CACNA2D1: variants seen among roughly 807,000 people sequenced by gnomAD.
CACNA2D1 encodes the protein voltage-dependent calcium channel subunit alpha-2/delta-1.
Under a neutral mutation model 171.5 loss-of-function variants are expected in CACNA2D1, and 53 were observed. The observed-to-expected ratio is 0.31, with a 90% CI of 0.25 to 0.39. The LOEUF is 0.39. Among genes scored for constraint, CACNA2D1 ranks in the 10% least tolerant of loss-of-function variants. The probability of loss-of-function intolerance (pLI) is 1.00; values close to 1 mark genes in which losing one functional copy is unlikely to be tolerated. For missense variants in CACNA2D1, 903 were observed against 1,299.8 expected, an observed-to-expected ratio of 0.69 and a Z score of 4.69; for synonymous variants, 442 against 443.1, an observed-to-expected ratio of 1.00 and a Z score of 0.03.
rs1269772111 is a variant in CACNA2D1 at position 82,024,541 on chromosome 7, A to G, written c.1143+8256T>C. ...TAGGAGTTATTTTCATATTTTGTAT[A>G]CTAACCCCTTATCAAATATATGGCT... On this transcript the variant is annotated intron_variant, in intron 12 of 38. Coordinates refer to ENST00000356860, the MANE Select transcript of CACNA2D1 (RefSeq NM_000722.4). Among the ~76,000 whole-genome samples the G allele has an allele frequency of 7.9e-5, 12 of 151,730 alleles. No homozygotes were observed. The Admixed American group carries it at 7.9e-4, about 10-fold the overall frequency.
chr7:82,208,666 G>C (rs10808298), intron 3 of CACNA2D1, among the ~76,000 whole-genome samples: 92,009 of 151,944 alleles, frequency 0.61, 28,669 homozygotes, highest in East Asian at 0.8. Flanking sequence ...AGATTTATAA[G>C]CATTCATTAT....
chr7:81,976,542 TTGTC>T lies in CACNA2D1; in HGVS notation c.1956-1994_1956-1991del, dbSNP rs1445564651. ...GGGAGTTCACTCATGATTTGGCTGT[TTGTC>T]TATTATTGGTGTATAGGATTGCTTG... On this transcript the variant is annotated intron_variant, in intron 24 of 38. Coordinates refer to ENST00000356860, the MANE Select transcript of CACNA2D1 (RefSeq NM_000722.4). 2.0e-5 allele frequency among the ~76,000 whole-genome samples: 3 copies of T among 152,184 alleles called. No individual in the cohort carries two copies. In the East Asian group the frequency reaches 5.8e-4, roughly 29 times the overall value.
chr7:82,149,827 G>C (rs1321485791), intron 4 of CACNA2D1, among the ~76,000 whole-genome samples: 1 of 151,428 alleles, frequency 6.6e-6, no homozygotes, highest in Admixed American at 6.6e-5. Flanking sequence ...TGTGGTGGTA[G>C]GCGCCTGTAG....
At chr7:82,293,969 T>C (rs1363638517) in intron 3 of CACNA2D1, among the ~76,000 whole-genome samples, 1 of 152,212 alleles carries the variant, frequency 6.6e-6, no homozygotes, top group African/African-American at 2.4e-5. Context: ...ATGATCTCTC[T>C]TCTGGCTCTA....
chr7:82,049,868 C>T (rs1388941193), intron 10 of CACNA2D1, among the ~76,000 whole-genome samples: 1 of 152,170 alleles, frequency 6.6e-6, no homozygotes, highest in East Asian at 1.9e-4. Context: ...AAATTATTCT[C>T]TTAGATTTGT....
intron 3 of CACNA2D1, among the ~76,000 whole-genome samples, chr7:82,252,658 A>G (rs1039587088): frequency 3.3e-5 from 5 of 152,128 alleles, no homozygotes; most frequent in Non-Finnish European, 7.4e-5. Flanking sequence ...TTGGGAGGCC[A>G]AGGCGGGCAG....
chr7:82,263,542 GAACT>G (rs1807421838), intron 3 of CACNA2D1, among the ~76,000 whole-genome samples: 2 of 152,070 alleles, frequency 1.3e-5, no homozygotes, highest in Non-Finnish European at 2.9e-5. Context: ...CCTATCCACA[GAACT>G]AACTCTGAAA....
At chr7:82,310,324 A>G (rs1250306690) in intron 3 of CACNA2D1, among the ~76,000 whole-genome samples, 1 of 151,896 alleles carries the variant, frequency 6.6e-6, no homozygotes, top group African/African-American at 2.4e-5. Flanking sequence ...TATAAAAGGT[A>G]TGAGGATGTA....
intron 8 of CACNA2D1, among the ~76,000 whole-genome samples, chr7:82,066,006 C>G (rs1584612333): frequency 6.6e-6 from 1 of 152,074 alleles, no homozygotes. Context: ...ACAAATAAGT[C>G]TTCATTTTGG....
chr7:81,957,654 A>ATCCAGAGCAGAT (rs1793572654), intron 38 of CACNA2D1, among the ~76,000 whole-genome samples: 1 of 152,140 alleles, frequency 6.6e-6, no homozygotes, highest in South Asian at 2.1e-4. Context: ...GTGAGTCTCC[A>ATCCAGAGCAGAT]TCCAGAGCAG....
At chr7:82,126,891 T>C (rs1285893585) in intron 5 of CACNA2D1, among the ~76,000 whole-genome samples, 1 of 152,206 alleles carries the variant, frequency 6.6e-6, no homozygotes, top group Non-Finnish European at 1.5e-5. Context: ...TCCCTGGCAA[T>C]ATTCTTTGTC....
At chr7:82,068,578 T>C (rs929328185) in intron 7 of CACNA2D1, among the ~76,000 whole-genome samples, 3 of 152,044 alleles carry the variant, frequency 2.0e-5, no homozygotes, top group Admixed American at 6.6e-5. Flanking sequence ...CTGTAGATAA[T>C]TTTTTATTGA....
rs1233519888 is a variant in CACNA2D1, at chr7:81,962,373, C to T, written c.2836+67G>A. The T allele has an allele frequency of 3.5e-6, 4 of 1,134,366 alleles. No homozygotes were observed. In the African/African-American group the frequency reaches 4.6e-5, roughly 13 times the overall value. 70.3% of individuals were successfully genotyped at this position (1,134,366 alleles called of 1,614,324 possible). ...ACAAATATTCTCTGAATTTGTTGAA[C>T]TTCAAGCACATCCCAAAAGAAAATT... On this transcript the variant is annotated intron_variant, in intron 35 of 38. Coordinates refer to ENST00000356860, the MANE Select transcript of CACNA2D1 (RefSeq NM_000722.4).
Position 82,055,395 on chromosome 7 carries a change from C to T in CACNA2D1, c.879+5033G>A, listed in dbSNP as rs191757470. ...CAAAAAGGCCAAGTACCATTTGACC[C>T]AGCCATCCCATTACTGGGTATATAC... On this transcript the variant is annotated intron_variant, in intron 10 of 38. Transcript: ENST00000356860. Among the ~76,000 whole-genome samples, 397 of 152,162 alleles carry T rather than the reference C, an allele frequency of 2.6e-3. 1 individual carries two copies. Among genetic ancestry groups the T allele is most frequent in the Non-Finnish European group, 4.9e-3 (333 of 68,012 alleles).
At chr7:82,325,533 G>C (rs77110330) in intron 3 of CACNA2D1, among the ~76,000 whole-genome samples, 4,896 of 152,218 alleles carry the variant, frequency 0.032, 122 homozygotes, top group Middle Eastern at 0.082. Flanking sequence ...ACAAATGACA[G>C]ACAAATAAAT....
intron 7 of CACNA2D1, among the ~76,000 whole-genome samples, chr7:82,081,184 A>G (rs10234161): frequency 0.81 from 122,878 of 152,126 alleles, 50,089 homozygotes; most frequent in African/African-American, 0.91. Flanking sequence ...TTAAAATACT[A>G]AAAGACTATT....
chr7:82,178,837 T>A (rs911883922), intron 3 of CACNA2D1, among the ~76,000 whole-genome samples: 1 of 152,098 alleles, frequency 6.6e-6, no homozygotes, highest in Non-Finnish European at 1.5e-5. Context: ...TGTGCGTTCA[T>A]CCAGTGCAGG....
At position 82,443,507 on chromosome 7, in the gene CACNA2D1, G is replaced by A. The variant is rs1466447329; in HGVS notation, c.-48C>T. 4 of 1,591,518 alleles carry A rather than the reference G, an allele frequency of 2.5e-6. No individual in the cohort carries two copies. In the African/African-American group the frequency reaches 4.1e-5, roughly 16 times the overall value. ...CCCCTCCCTGCCCAAGCGGGGGAAG[G>A]AGCGGCGCTGGAAACCGCGGGCGGA... On this transcript the variant is annotated 5_prime_UTR_variant, in exon 1 of 39. Transcript: ENST00000356860.
chr7:82,390,367 A>G (rs182956916), intron 1 of CACNA2D1, among the ~76,000 whole-genome samples: 2 of 152,300 alleles, frequency 1.3e-5, no homozygotes, highest in East Asian at 3.9e-4. Flanking sequence ...TAATTATGAT[A>G]TGTCTATTTA....
Sources: gnomAD v4.1 joint callset for allele counts (sites outside exome capture counted in the v4.1 genomes callset) on GRCh38, gnomAD v4.1.1 for gene constraint, MANE v1.5 for transcripts, NCBI Gene and HGNC (gene_info 2026-07-23, HGNC 2026-07-21) for gene names.